Variants in OSGIN1 observed in about 807,000 individuals in gnomAD.
The protein encoded by OSGIN1 is oxidative stress-induced growth inhibitor 1.
OSGIN1 carries 19 observed loss-of-function variants against 20.1 expected under a neutral mutation model. The ratio of observed to expected loss-of-function variants is 0.95; its 90% CI spans 0.66 to 1.39. The LOEUF is 1.39. Ranked by LOEUF, OSGIN1 falls within the 40% of genes most tolerant of loss-of-function variation. The pLI, the probability that OSGIN1 is intolerant of heterozygous loss-of-function variation, is 0.00. For synonymous variants in OSGIN1, 368 were observed against 297.8 expected (o/e 1.24, Z -2.43); for missense variants, 820 against 653.0 (o/e 1.26, Z -2.79).
At position 83,960,719 on chromosome 16, in the gene OSGIN1, C is replaced by T. The variant is rs1235692313; in HGVS notation, c.355C>T (p.His119Tyr). 9 of 1,613,466 alleles carry T rather than the reference C, an allele frequency of 5.6e-6. No individual in the cohort carries two copies. The highest frequency in any genetic ancestry group is 5.1e-6 in the Non-Finnish European group (6 of 1,180,030). The change falls in exon 4 of 6, where the codon CAC (histidine) becomes TAC (tyrosine). Residue 119 changes from histidine to tyrosine, a missense_variant. Physicochemically the swap from His to Tyr is moderately conservative, Grantham distance 83. Transcript: ENST00000393306. The stretch of plus-strand genomic sequence containing the variant: ...GCACCGGAAGGAGCACGCCATCCCC[C>T]ACGTGGTTCTGGGCCGGAACCTCCC... ...WKHRKEHAIPHVVLGRNLPGG... is the reference protein window; with the variant it reads ...WKHRKEHAIPYVVLGRNLPGG...
At chr16:83,954,899 C>T (rs1908852424) in intron 1 of OSGIN1, 3 of 288,922 alleles carry the variant, frequency 1.0e-5, no homozygotes, top group African/African-American at 2.3e-5. Context: ...CAGGGCATGG[C>T]CCAGGGTGGG....
chr16:83,965,283 TGTGGGCCCGCAAC>T lies in OSGIN1; in HGVS notation c.715_727del (p.Ala239SerfsTer39). The T allele has an allele frequency of 6.2e-7, 1 of 1,604,614 alleles. No individual in the cohort carries two copies. The highest frequency in any genetic ancestry group is 8.5e-7 in the Non-Finnish European group (1 of 1,174,842). On this transcript the variant is annotated frameshift_variant, in exon 6 of 6. Coordinates refer to ENST00000393306, the MANE Select transcript of OSGIN1 (RefSeq NM_182981.3). LOFTEE classifies it low-confidence loss of function (END_TRUNC). ...AACCAGGCCCAGCAGCCCTTCTCGC[TGTGGGCCCGCAAC>T]GTGGTCCTCGCCACAGGCACGTTCG...
In OSGIN1 at chr16:83,961,147, C is replaced by G. The variant is rs960624963; in HGVS notation, c.488+75C>G. On this transcript the variant is annotated intron_variant, in intron 5 of 5. Coordinates refer to ENST00000393306, the MANE Select transcript of OSGIN1 (RefSeq NM_182981.3). ...AACCCAGAAAATCTGAGACAGGTCT[C>G]AGTTAATTTAGAAAGTTTATTTTTC... The G allele has an allele frequency of 1.1e-4, 126 of 1,172,842 alleles. 8 individuals carry two copies. In the South Asian group the frequency reaches 1.4e-3, roughly 13 times the overall value. 72.7% of individuals were successfully genotyped at this position (1,172,842 alleles called of 1,614,324 possible).
At chr16:83,958,911 C>T (rs956402964) in intron 2 of OSGIN1, among the ~76,000 whole-genome samples, 3 of 152,200 alleles carry the variant, frequency 2.0e-5, no homozygotes, top group Non-Finnish European at 2.9e-5. Flanking sequence ...GCTCGTCTAC[C>T]TTCCGGCCGT....
chr16:83,962,314 C>T (rs2084224630), intron 5 of OSGIN1, among the ~76,000 whole-genome samples: 1 of 152,340 alleles, frequency 6.6e-6, no homozygotes, highest in South Asian at 2.1e-4. Flanking sequence ...TCTCAGCTCA[C>T]TGCAAGCTCC....
rs1214192898 is a variant in OSGIN1, at chr16:83,960,969, C to G, written c.397-12C>G. On this transcript the variant is annotated splice_polypyrimidine_tract_variant and intron_variant, in intron 4 of 5. Transcript: ENST00000393306. ...AGCAGAGGCCTGGACCAAAGGGTTC[C>G]TTTCCCTGCAGTCCATCGAAGGCTC... 2 of 1,612,398 alleles carry G rather than the reference C, an allele frequency of 1.2e-6. No homozygotes were observed. The highest frequency in any genetic ancestry group is 3.3e-5 in the Admixed American group (2 of 60,018).
chr16:83,965,498 A>T lies in OSGIN1; in HGVS notation c.925A>T (p.Ile309Phe). 4 of 1,611,486 alleles carry T rather than the reference A, an allele frequency of 2.5e-6. No individual in the cohort carries two copies. The Admixed American group carries it at 6.7e-5, about 27-fold the overall frequency. ...GGTCCTCTACGCCCGCCACTACAACATCCCGGTGATCCATGCCTTCCGCCG... is the reference window on the plus strand; with the variant it reads ...GGTCCTCTACGCCCGCCACTACAACTTCCCGGTGATCCATGCCTTCCGCCG... ...DAVLYARHYN[I>F]PVIHAFRRAV... Residue 309 changes from isoleucine to phenylalanine, a missense_variant, in exon 6 of 6, where the codon ATC becomes TTC. Ile to Phe is a conservative substitution (Grantham distance 21, BLOSUM62 0). Transcript: ENST00000393306.
intron 5 of OSGIN1, among the ~76,000 whole-genome samples, 187 bp from the exon 6 acceptor site, chr16:83,964,875 C>T (rs2151079617): frequency 6.6e-6 from 1 of 152,226 alleles, no homozygotes; most frequent in Admixed American, 6.5e-5. Flanking sequence ...GAGGGAGGCA[C>T]CCTTGTTAGC....
rs777736242 is a variant in OSGIN1 at position 83,965,867 on chromosome 16, T to G, written c.1294T>G (p.Phe432Val). 1.2e-6 allele frequency: 2 copies of G among 1,612,918 alleles called. No individual in the cohort carries two copies. Among genetic ancestry groups the G allele is most frequent in the Non-Finnish European group, 1.7e-6 (2 of 1,179,994 alleles). The change falls in exon 6 of 6, where the codon TTC (phenylalanine) becomes GTC (valine). Residue 432 changes from phenylalanine (F) to valine (V), a missense_variant. Transcript: ENST00000393306. Reference sequence around the variant, plus strand: ...GAGGAACCCCATTGACGTGGACCCCTTCACCTACCAGAGCACCCGCCAGGA... The same window carrying G: ...GAGGAACCCCATTGACGTGGACCCCGTCACCTACCAGAGCACCCGCCAGGA... ...AKRNPIDVDPFTYQSTRQEGL... is the reference protein window; with the variant it reads ...AKRNPIDVDPVTYQSTRQEGL...
rs556270995 is a variant in OSGIN1 at position 83,966,268 on chromosome 16, G to C, written c.*261G>C. The C allele has an allele frequency of 3.1e-4, 161 of 516,520 alleles. 2 individuals carry two copies. Among genetic ancestry groups the C allele is most frequent in the African/African-American group, 2.6e-3 (139 of 52,520 alleles). 32.0% of individuals were successfully genotyped at this position (516,520 alleles called of 1,614,324 possible). On this transcript the variant is annotated 3_prime_UTR_variant, in exon 6 of 6. Coordinates refer to ENST00000393306, the MANE Select transcript of OSGIN1 (RefSeq NM_182981.3). ...GCTGGTGTGACCAGCTGAGCACCCA[G>C]CCAGGAGACCTGCAGCCCTGCGCCT...
chr16:83,963,470 C>A (rs1263687042), intron 5 of OSGIN1, among the ~76,000 whole-genome samples: 1 of 152,148 alleles, frequency 6.6e-6, no homozygotes, highest in Non-Finnish European at 1.5e-5. Context: ...ACACCCCCTG[C>A]CTCATGGCAC....
chr16:83,953,479 G>C, intron 1 of OSGIN1, 109 bp downstream of exon 1: 7 of 1,000,388 alleles, frequency 7.0e-6, no homozygotes, highest in Non-Finnish European at 9.3e-6. Context: ...CCAGGCGGGG[G>C]TCCCGGGTGG....
At position 83,965,383 on chromosome 16, in the gene OSGIN1, T is replaced by C; in HGVS notation, c.810T>C (p.Ser270=). The stretch of plus-strand genomic sequence containing the variant: ...TGCCCTTCATCCACCATGAGCTGTC[T>C]GCCCTGGAGGCCGCCACAAGGGTGG... The part of the protein sequence containing the change: ...EALPFIHHEL[S]ALEAATRVGA... Residue 270 remains serine, a synonymous_variant, in exon 6 of 6, where the codon TCT becomes TCC. Transcript: ENST00000393306. 1 of 1,573,450 alleles carries C rather than the reference T, an allele frequency of 6.4e-7. No individual in the cohort carries two copies. The highest frequency in any genetic ancestry group is 8.6e-7 in the Non-Finnish European group (1 of 1,162,504).
chr16:83,959,475 C>A, intron 3 of OSGIN1, 79 bp downstream of exon 3: 1 of 1,365,614 alleles, frequency 7.3e-7, no homozygotes, highest in Non-Finnish European at 1.0e-6. Context: ...CAGGGAAAAA[C>A]AAAAGTGTGT....
chr16:83,964,916 A>G, intron 5 of OSGIN1, 146 bp from the exon 6 acceptor site: 1 of 634,082 alleles, frequency 1.6e-6, no homozygotes, highest in Non-Finnish European at 2.8e-6. Flanking sequence ...ACTGAGGCTT[A>G]GAGAGGTTGA....
At chr16:83,958,701 C>T (rs1045549557) in intron 2 of OSGIN1, among the ~76,000 whole-genome samples, 1 of 152,208 alleles carries the variant, frequency 6.6e-6, no homozygotes, top group African/African-American at 2.4e-5. Flanking sequence ...GATGGCAGCG[C>T]AGTTCTTCAG....
chr16:83,959,029 A>G (rs1237242505), intron 2 of OSGIN1, among the ~76,000 whole-genome samples: 1 of 152,174 alleles, frequency 6.6e-6, no homozygotes, highest in East Asian at 1.9e-4. Flanking sequence ...CTGTTGTGAA[A>G]GCTCTCAGTA....
Position 83,965,441 on chromosome 16 carries a change from A to C in OSGIN1, c.868A>C (p.Ile290Leu). 5.0e-6 allele frequency: 8 copies of C among 1,594,196 alleles called. No homozygotes were observed. The highest frequency in any genetic ancestry group is 6.8e-6 in the Non-Finnish European group (8 of 1,174,180). ...AVTPASDPVLIIGAGLSAADA... is the reference protein window; with the variant it reads ...AVTPASDPVLLIGAGLSAADA... ...GACCCCGGCCTCAGACCCTGTCCTCATCATTGGCGCGGGGCTGTCAGCGGC... is the reference window on the plus strand; with the variant it reads ...GACCCCGGCCTCAGACCCTGTCCTCCTCATTGGCGCGGGGCTGTCAGCGGC... Residue 290 changes from isoleucine to leucine, a missense_variant, in exon 6 of 6, where the codon ATC (isoleucine) becomes CTC (leucine). By Grantham distance (5) the Ile-to-Leu change is conservative. Coordinates refer to ENST00000393306, the MANE Select transcript of OSGIN1 (RefSeq NM_182981.3).
chr16:83,964,915 T>C (rs1346520546), intron 5 of OSGIN1, 147 bp from the exon 6 acceptor site: 1 of 633,460 alleles, frequency 1.6e-6, no homozygotes, highest in African/African-American at 1.8e-5. Flanking sequence ...GACTGAGGCT[T>C]AGAGAGGTTG....
Sources: gnomAD v4.1 joint callset for allele counts (sites outside exome capture counted in the v4.1 genomes callset) on GRCh38, gnomAD v4.1.1 for gene constraint, MANE v1.5 for transcripts, NCBI Gene and HGNC (gene_info 2026-07-23, HGNC 2026-07-21) for gene names.